The following ZSCAN25 variants were observed in gnomAD, a reference collection of about 807,000 sequenced individuals.
ZSCAN25 encodes the protein zinc finger and SCAN domain-containing protein 25.
In ZSCAN25, 27 loss-of-function variants were observed where a neutral mutation model predicts 38.7. That is an observed-to-expected ratio of 0.70 (90% CI 0.51 to 0.96). The LOEUF (loss-of-function observed/expected upper bound fraction) is 0.96, where lower values mean the gene tolerates loss of function less well. Among genes scored for constraint, ZSCAN25 ranks in the 40% least tolerant of loss-of-function variants. ZSCAN25 has a pLI of 0.00. For synonymous variants in ZSCAN25, 273 were observed against 277.7 expected, an observed-to-expected ratio of 0.98 and a Z score of 0.17; for missense variants, 637 against 705.9, an observed-to-expected ratio of 0.90 and a Z score of 1.11.
chr7:99,712,187 T>G, the ZSCAN25 span, among the ~76,000 whole-genome samples: 1 of 152,184 alleles, frequency 6.6e-6, no homozygotes, highest in Non-Finnish European at 1.5e-5. Context: ...ATAAATATAG[T>G]GCCTGTTCCA....
At chr7:99,725,640 G>T in the ZSCAN25 span, among the ~76,000 whole-genome samples, 1 of 152,190 alleles carries the variant, frequency 6.6e-6, no homozygotes, top group Non-Finnish European at 1.5e-5. Flanking sequence ...AGGTTGGACT[G>T]TCTGACTCAC....
At position 99,621,566 on chromosome 7, in the gene ZSCAN25, A is replaced by G. The variant is rs751286662; in HGVS notation, c.581A>G (p.Gln194Arg). 2 of 1,459,126 alleles carry G rather than the reference A, an allele frequency of 1.4e-6. No individual in the cohort carries two copies. Among genetic ancestry groups the G allele is most frequent in the South Asian group, 1.5e-5 (1 of 68,682 alleles). The allele number at this position is 1,459,126 out of a possible 1,614,324, so 90.4% of individuals were successfully genotyped here. A position where few individuals can be genotyped will look rare whatever the true frequency, so the allele number is the denominator to read the frequency against. ...QDPGDETRAF[Q>R]EQALPVLQAG... ...CCTGGAGATGAGACACGGGCCTTCC[A>G]GGAGCAAGGTGAGTAAGACGCAGAT... Residue 194 changes from glutamine (Q) to arginine (R), a missense_variant, in exon 5 of 8, where the codon CAG becomes CGG. Gln to Arg is a conservative substitution (Grantham distance 43, BLOSUM62 1). Transcript: ENST00000394152.
At chr7:99,679,934 C>A in the ZSCAN25 span, 2 of 1,581,966 alleles carry the variant, frequency 1.3e-6, no homozygotes, top group African/African-American at 2.7e-5. Flanking sequence ...TGTGAGTCTT[C>A]CTTTTAGCTG....
chr7:99,724,347 AC>A, the ZSCAN25 span, among the ~76,000 whole-genome samples: 1 of 152,116 alleles, frequency 6.6e-6, no homozygotes, highest in Non-Finnish European at 1.5e-5. Flanking sequence ...ATCTTATAAG[AC>A]CTGGATGATT....
chr7:99,723,761 C>T, the ZSCAN25 span, among the ~76,000 whole-genome samples: 1 of 152,196 alleles, frequency 6.6e-6, no homozygotes, highest in Non-Finnish European at 1.5e-5. Context: ...TGCTATCCCT[C>T]CACCCTTCAA....
chr7:99,635,693 T>G (rs1808247499), downstream of ZSCAN25, among the ~76,000 whole-genome samples: 2 of 151,920 alleles, frequency 1.3e-5, no homozygotes, highest in African/African-American at 4.9e-5. Flanking sequence ...CCAGTTATTT[T>G]AAGACACAAA....
At chr7:99,709,390 C>T in the ZSCAN25 span, 1 of 1,399,590 alleles carries the variant, frequency 7.1e-7, no homozygotes, top group Non-Finnish European at 9.8e-7. Context: ...TTGTAGCATT[C>T]ATAAAGTATT....
At chr7:99,734,257 T>C in the ZSCAN25 span, among the ~76,000 whole-genome samples, 3 of 152,352 alleles carry the variant, frequency 2.0e-5, no homozygotes, top group South Asian at 6.2e-4. Context: ...AACTGTGAAA[T>C]TGAGTTAGAA....
At chr7:99,701,826 C>A in the ZSCAN25 span, among the ~76,000 whole-genome samples, 2 of 152,098 alleles carry the variant, frequency 1.3e-5, no homozygotes, top group South Asian at 4.2e-4. Context: ...TGTTTGTGCT[C>A]TGTGTATATT....
chr7:99,660,466 T>C, the ZSCAN25 span: 1 of 1,571,078 alleles, frequency 6.4e-7, no homozygotes, highest in Non-Finnish European at 8.6e-7. Flanking sequence ...AGGCTTCACC[T>C]CTTCCCTTCA....
the ZSCAN25 span, chr7:99,660,137 C>T: frequency 1.2e-6 from 1 of 808,256 alleles, no homozygotes; most frequent in Non-Finnish European, 1.5e-6. Context: ...ATGCAGAAAT[C>T]ATTCGTCTTC....
At chr7:99,643,156 A>T in the ZSCAN25 span, among the ~76,000 whole-genome samples, 1 of 152,306 alleles carries the variant, frequency 6.6e-6, no homozygotes, top group Admixed American at 6.5e-5. Flanking sequence ...TTACACTTCC[A>T]AGTCTGTAAG....
chr7:99,715,132 G>A, the ZSCAN25 span, among the ~76,000 whole-genome samples: 2 of 152,152 alleles, frequency 1.3e-5, no homozygotes, highest in African/African-American at 2.4e-5. Flanking sequence ...TCACACATAC[G>A]TGGAAGTTAA....
intron 7 of ZSCAN25, 72 bp downstream of exon 7, chr7:99,624,252 C>G (rs1807263122): frequency 6.3e-7 from 1 of 1,599,180 alleles, no homozygotes; most frequent in Non-Finnish European, 8.5e-7. Context: ...CCTGCCGTAG[C>G]TCTGGCGCTC....
At chr7:99,734,194 A>C in the ZSCAN25 span, among the ~76,000 whole-genome samples, 13 of 152,236 alleles carry the variant, frequency 8.5e-5, no homozygotes, top group Admixed American at 5.9e-4. Flanking sequence ...GAAAGAATTA[A>C]AACGAGGTTT....
chr7:99,676,281 G>A, the ZSCAN25 span: 6 of 1,604,254 alleles, frequency 3.7e-6, no homozygotes, highest in African/African-American at 6.7e-5. Flanking sequence ...AGTTACTCAG[G>A]AACTGGAATG....
At chr7:99,621,630 C>T (rs1806973562) in intron 5 of ZSCAN25, 56 bp downstream of exon 5, 1 of 1,260,678 alleles carries the variant, frequency 7.9e-7, no homozygotes, top group Non-Finnish European at 1.0e-6. Flanking sequence ...TGCTGTGCAG[C>T]CAACTCTCTT....
the ZSCAN25 span, among the ~76,000 whole-genome samples, chr7:99,717,937 G>C: frequency 6.6e-6 from 1 of 152,160 alleles, no homozygotes; most frequent in East Asian, 1.9e-4. Context: ...TGTAGAGAGA[G>C]AGTGGAGACA....
Position 99,631,444 on chromosome 7 carries a change from T to G in ZSCAN25, c.*1424T>G. On this transcript the variant is annotated 3_prime_UTR_variant, in exon 8 of 8. Coordinates refer to ENST00000394152, the MANE Select transcript of ZSCAN25 (RefSeq NM_145115.3). Reference sequence around the variant, plus strand: ...TTGTGCCATCACTTAAGGGTTTCATTTCTGTTTAAAGTTCTGGAAGCTGCA... The same window carrying G: ...TTGTGCCATCACTTAAGGGTTTCATGTCTGTTTAAAGTTCTGGAAGCTGCA... The G allele has an allele frequency of 4.1e-6, 4 of 985,464 alleles. No individual in the cohort carries two copies. Among genetic ancestry groups the G allele is most frequent in the Non-Finnish European group, 4.8e-6 (4 of 829,924 alleles). The allele number at this position is 985,464 out of a possible 1,614,324, so 61.0% of individuals were successfully genotyped here.
Sources: gnomAD v4.1 joint callset for allele counts (sites outside exome capture counted in the v4.1 genomes callset) on GRCh38, gnomAD v4.1.1 for gene constraint, MANE v1.5 for transcripts, NCBI Gene and HGNC (gene_info 2026-07-23, HGNC 2026-07-21) for gene names.